The following GRXCR1 variants were observed in gnomAD, a reference collection of about 807,000 sequenced individuals.
GRXCR1 encodes glutaredoxin and cysteine rich domain containing 1, also known as glutaredoxin domain-containing cysteine-rich protein 1.
Under a neutral mutation model 27.3 loss-of-function variants are expected in GRXCR1, and 27 were observed. The ratio of observed to expected loss-of-function variants is 0.99; its 90% CI spans 0.73 to 1.37. The LOEUF (loss-of-function observed/expected upper bound fraction) is 1.37, where lower values mean the gene tolerates loss of function less well. Ranked by LOEUF, GRXCR1 falls within the 40% of genes most tolerant of loss-of-function variation. The probability of loss-of-function intolerance (pLI) is 0.00; values close to 1 mark genes in which losing one functional copy is unlikely to be tolerated. For missense variants in GRXCR1, 379 were observed against 354.4 expected (o/e 1.07, Z -0.56); for synonymous variants, 122 against 131.1 (o/e 0.93, Z 0.47).
At chr4:43,000,474 TAAA>T (rs35604158) in intron 2 of GRXCR1, among the ~76,000 whole-genome samples, 1,662 of 112,730 alleles carry the variant, frequency 0.015, 40 homozygotes, top group African/African-American at 0.05. Flanking sequence ...GGCTCTATCT[TAAA>T]AAAAAAAAAA....
At chr4:43,016,979 A>G (rs1180760821) in intron 2 of GRXCR1, among the ~76,000 whole-genome samples, 1 of 152,200 alleles carries the variant, frequency 6.6e-6, no homozygotes, top group Non-Finnish European at 1.5e-5. Context: ...TCTTGTTCAC[A>G]TGTTACAGCT....
chr4:42,943,541 C>T (rs559531314), intron 1 of GRXCR1, among the ~76,000 whole-genome samples: 1 of 152,124 alleles, frequency 6.6e-6, no homozygotes, highest in African/African-American at 2.4e-5. Flanking sequence ...TTTTAATAAG[C>T]ACCTCCTGTG....
intron 2 of GRXCR1, among the ~76,000 whole-genome samples, chr4:42,989,993 A>G (rs957090336): frequency 6.6e-6 from 1 of 151,850 alleles, no homozygotes; most frequent in Non-Finnish European, 1.5e-5. Flanking sequence ...ATAATTGAAG[A>G]AAGTTGCTTG....
chr4:42,923,851 A>G (rs1747080639), intron 1 of GRXCR1, among the ~76,000 whole-genome samples: 1 of 152,072 alleles, frequency 6.6e-6, no homozygotes, highest in Non-Finnish European at 1.5e-5. Flanking sequence ...CCGGGGTGGT[A>G]CTTTCACCCT....
At chr4:42,967,869 G>A (rs1748284135) in intron 2 of GRXCR1, among the ~76,000 whole-genome samples, 1 of 152,112 alleles carries the variant, frequency 6.6e-6, no homozygotes, top group Non-Finnish European at 1.5e-5. Flanking sequence ...TACTGATCAA[G>A]ATCTTGTGAG....
At chr4:42,995,531 A>G (rs913793932) in intron 2 of GRXCR1, among the ~76,000 whole-genome samples, 1 of 152,176 alleles carries the variant, frequency 6.6e-6, no homozygotes, top group Non-Finnish European at 1.5e-5. Context: ...AACCACTAGG[A>G]GTCACTAGTT....
chr4:42,923,643 G>A (rs1747073995), intron 1 of GRXCR1, among the ~76,000 whole-genome samples: 1 of 151,962 alleles, frequency 6.6e-6, no homozygotes, highest in Non-Finnish European at 1.5e-5. Context: ...TCCTAGCCTT[G>A]CCCCATGCTT....
chr4:42,942,091 G>T (rs369714603), intron 1 of GRXCR1, among the ~76,000 whole-genome samples: 6 of 152,108 alleles, frequency 3.9e-5, no homozygotes, highest in African/African-American at 1.4e-4. Context: ...AAAATTATCT[G>T]TGTGGGACTA....
intron 1 of GRXCR1, among the ~76,000 whole-genome samples, chr4:42,960,976 A>G (rs6813350): frequency 0.059 from 8,969 of 151,504 alleles, 531 homozygotes; most frequent in African/African-American, 0.15. Flanking sequence ...TGCATTTTCT[A>G]TTTTTCCTAA....
At chr4:42,913,067 C>G (rs1384826891) in intron 1 of GRXCR1, among the ~76,000 whole-genome samples, 1 of 152,152 alleles carries the variant, frequency 6.6e-6, no homozygotes, top group East Asian at 1.9e-4. Flanking sequence ...TCCAGCCATG[C>G]AGAACTGTGA....
intron 1 of GRXCR1, among the ~76,000 whole-genome samples, chr4:42,948,661 T>C (rs6820359): frequency 0.27 from 40,752 of 151,736 alleles, 5,957 homozygotes; most frequent in African/African-American, 0.38. Context: ...CCTGTGAATA[T>C]GTTAATTTAC....
At chr4:42,987,265 T>G (rs1711797068) in intron 2 of GRXCR1, among the ~76,000 whole-genome samples, 1 of 81,290 alleles carries the variant, frequency 1.2e-5, no homozygotes, top group South Asian at 3.3e-4. Flanking sequence ...ATATATAATA[T>G]ATATATATAT....
At chr4:42,916,658 C>T (rs1746893405) in intron 1 of GRXCR1, among the ~76,000 whole-genome samples, 1 of 152,060 alleles carries the variant, frequency 6.6e-6, no homozygotes, top group South Asian at 2.1e-4. Context: ...CCGTTCACTC[C>T]CTATTAGTAA....
At chr4:42,954,909 A>G (rs751703992) in intron 1 of GRXCR1, among the ~76,000 whole-genome samples, 5 of 152,292 alleles carry the variant, frequency 3.3e-5, no homozygotes, top group African/African-American at 1.2e-4. Flanking sequence ...TCAAGATGTG[A>G]TTTGAGAGCA....
chr4:42,949,354 CAAAAAA>C (rs10622265), intron 1 of GRXCR1, among the ~76,000 whole-genome samples: 1 of 81,122 alleles, frequency 1.2e-5, no homozygotes. Flanking sequence ...GACTCCATCT[CAAAAAA>C]AAAAAAAAAA....
In GRXCR1 at chr4:42,986,014, C is replaced by A. The variant is rs181100085; in HGVS notation, c.627+22880C>A. Among the ~76,000 whole-genome samples the A allele has an allele frequency of 4.2e-3, 642 of 152,242 alleles. 4 individuals carry two copies. Among genetic ancestry groups the A allele is most frequent in the African/African-American group, 0.015 (609 of 41,536 alleles). On this transcript the variant is annotated intron_variant, in intron 2 of 3. Coordinates refer to ENST00000399770, the MANE Select transcript of GRXCR1 (RefSeq NM_001080476.3). ...ATTACAACTGAGCAAACATCTCACC[C>A]AGGGATTTGAGAATGTAAATAGCTC...
chr4:42,904,995 G>A (rs1031701665), intron 1 of GRXCR1, among the ~76,000 whole-genome samples: 4 of 152,110 alleles, frequency 2.6e-5, no homozygotes, highest in African/African-American at 7.2e-5. Context: ...GGGCCACTCC[G>A]TAAAAGGCAT....
intron 2 of GRXCR1, among the ~76,000 whole-genome samples, chr4:42,963,906 G>T (rs1287141675): frequency 2.0e-5 from 3 of 151,938 alleles, no homozygotes; most frequent in Non-Finnish European, 2.9e-5. Flanking sequence ...ACCACAGATG[G>T]ATACTTGGAT....
intron 2 of GRXCR1, among the ~76,000 whole-genome samples, chr4:42,979,926 TC>T (rs1183709686): frequency 6.6e-6 from 1 of 152,054 alleles, no homozygotes; most frequent in East Asian, 1.9e-4. Context: ...ATTCATTTCT[TC>T]TTAGTTATCC....
Sources: allele counts gnomAD v4.1 joint callset (sites outside exome capture counted in the v4.1 genomes callset), GRCh38; gene constraint gnomAD v4.1.1; transcripts MANE v1.5; gene names NCBI Gene and HGNC (gene_info 2026-07-23, HGNC 2026-07-21).